The following RBM20 variants were observed in gnomAD, a reference collection of about 807,000 sequenced individuals.
RBM20 encodes the protein RNA binding motif protein 20, also known as RNA-binding protein 20.
RBM20 carries 51 observed loss-of-function variants against 110.1 expected under a neutral mutation model. That is an observed-to-expected ratio of 0.46 (90% CI 0.37 to 0.59). The LOEUF is 0.59. Among genes scored for constraint, RBM20 ranks in the 20% least tolerant of loss-of-function variants. RBM20 has a pLI of 0.00. For synonymous variants in RBM20, 589 were observed against 618.2 expected, an observed-to-expected ratio of 0.95 and a Z score of 0.70; for missense variants, 1,512 against 1,574.9, an observed-to-expected ratio of 0.96 and a Z score of 0.68.
chr10:110,725,646 G>T (rs963913496), intron 1 of RBM20, among the ~76,000 whole-genome samples: 2 of 152,286 alleles, frequency 1.3e-5, no homozygotes, highest in South Asian at 4.1e-4. Context: ...AGAGGTGCAG[G>T]CTTTAAAAAA....
intron 1 of RBM20, among the ~76,000 whole-genome samples, chr10:110,653,094 T>C (rs866591962): frequency 2.6e-5 from 4 of 152,360 alleles, no homozygotes; most frequent in Middle Eastern, 3.4e-3. Context: ...AGTACCTACC[T>C]TCCTTTCATA....
At chr10:110,656,374 CCTT>C (rs1862026766) in intron 1 of RBM20, among the ~76,000 whole-genome samples, 1 of 152,136 alleles carries the variant, frequency 6.6e-6, no homozygotes, top group Non-Finnish European at 1.5e-5. Flanking sequence ...TCCCTCTTCT[CCTT>C]ATCCCCCTCA....
intron 1 of RBM20, among the ~76,000 whole-genome samples, chr10:110,695,986 A>G (rs1222067678): frequency 6.6e-6 from 1 of 152,206 alleles, no homozygotes; most frequent in African/African-American, 2.4e-5. Flanking sequence ...TGTCACTCAC[A>G]GTGGAGGTCC....
intron 1 of RBM20, among the ~76,000 whole-genome samples, chr10:110,692,428 G>A (rs1034602571): frequency 6.6e-6 from 1 of 152,090 alleles, no homozygotes; most frequent in African/African-American, 2.4e-5. Flanking sequence ...AGTTTATTCA[G>A]CAATGCTTTG....
chr10:110,790,061 T>G (rs1844465786), intron 5 of RBM20, among the ~76,000 whole-genome samples: 1 of 152,232 alleles, frequency 6.6e-6, no homozygotes, highest in Admixed American at 6.5e-5. Context: ...GTTTTTATTA[T>G]TTATTTCTCG....
chr10:110,779,089 A>G (rs1007247853), intron 1 of RBM20, among the ~76,000 whole-genome samples: 9 of 152,216 alleles, frequency 5.9e-5, no homozygotes, highest in African/African-American at 2.2e-4. Context: ...TAAAACTCCA[A>G]AAGTCTTTGG....
intron 1 of RBM20, among the ~76,000 whole-genome samples, chr10:110,691,072 G>C (rs1270824524): frequency 6.6e-6 from 1 of 152,208 alleles, no homozygotes; most frequent in African/African-American, 2.4e-5. Flanking sequence ...TCTTGAATGG[G>C]ATTAGTATCC....
chr10:110,738,978 T>C (rs1461056980), intron 1 of RBM20, among the ~76,000 whole-genome samples: 1 of 152,104 alleles, frequency 6.6e-6, no homozygotes, highest in Non-Finnish European at 1.5e-5. Context: ...CTACAAGAAT[T>C]AGTAGGAAGC....
chr10:110,799,971 T>C, intron 7 of RBM20, 53 bp downstream of exon 7: 1 of 1,519,436 alleles, frequency 6.6e-7, no homozygotes, highest in Non-Finnish European at 8.9e-7. Context: ...GATGAGTTTC[T>C]CCTCCGTGTT....
intron 7 of RBM20, among the ~76,000 whole-genome samples, chr10:110,802,766 T>G (rs1453482578): frequency 6.6e-6 from 1 of 152,138 alleles, no homozygotes; most frequent in Non-Finnish European, 1.5e-5. Context: ...GAGGGAGAAG[T>G]AGCAAGCTGG....
chr10:110,749,727 T>A (rs1325621938), intron 1 of RBM20, among the ~76,000 whole-genome samples: 1 of 152,022 alleles, frequency 6.6e-6, no homozygotes, highest in Non-Finnish European at 1.5e-5. Context: ...TAATACTAGA[T>A]AACAGTGCAT....
rs1590685694 is a variant in RBM20, at chr10:110,797,483, C to T, written c.1528-25C>T. The T allele has an allele frequency of 2.0e-6, 3 of 1,527,434 alleles. No individual in the cohort carries two copies. The South Asian group carries it at 3.7e-5, about 19-fold the overall frequency. The allele number at this position is 1,527,434 out of a possible 1,614,324, so 94.6% of individuals were successfully genotyped here. A position where few individuals can be genotyped will look rare whatever the true frequency, so the allele number is the denominator to read the frequency against. On this transcript the variant is annotated intron_variant, in intron 5 of 13. Coordinates refer to ENST00000369519, the MANE Select transcript of RBM20 (RefSeq NM_001134363.3). ...GAAAAGGGAACCGTCTTCTGAATAC[C>T]ACTAATGATCTTTGTTCCCATTAGT... is the stretch of plus-strand genomic sequence containing the variant.
chr10:110,662,083 G>A (rs781725902), intron 1 of RBM20, among the ~76,000 whole-genome samples: 6 of 152,082 alleles, frequency 3.9e-5, no homozygotes, highest in Non-Finnish European at 5.9e-5. Flanking sequence ...CTGGGAGGAC[G>A]CTCAAGGGAG....
chr10:110,702,699 G>A (rs369954652), intron 1 of RBM20, among the ~76,000 whole-genome samples: 32 of 152,200 alleles, frequency 2.1e-4, no homozygotes, highest in African/African-American at 7.5e-4. Context: ...CCTCATGGGC[G>A]TAATGCAGAG....
At chr10:110,811,610 G>A (rs948742999) in intron 8 of RBM20, among the ~76,000 whole-genome samples, 3 of 152,204 alleles carry the variant, frequency 2.0e-5, no homozygotes, top group Non-Finnish European at 4.4e-5. Context: ...CTGGGTTTCA[G>A]TTTCTTCATC....
At chr10:110,733,037 C>G (rs1467251733) in intron 1 of RBM20, among the ~76,000 whole-genome samples, 2 of 152,146 alleles carry the variant, frequency 1.3e-5, no homozygotes, top group African/African-American at 4.8e-5. Flanking sequence ...GCTGGACATC[C>G]TAATTCTGTC....
chr10:110,821,851 G>GAAGGCAGCCCCCTGGAGGAGA lies in RBM20; in HGVS notation c.3236_3256dup (p.Gly1079_Lys1085dup), dbSNP rs1844917391. The GAAGGCAGCCCCCTGGAGGAGA allele has an allele frequency of 6.4e-7, 1 of 1,551,624 alleles. No individual in the cohort carries two copies. On this transcript the variant is annotated inframe_insertion, in exon 11 of 14. Coordinates refer to ENST00000369519, the MANE Select transcript of RBM20 (RefSeq NM_001134363.3). ...GGGGACCCCCGAAGATGGGGCTTGT[G>GAAGGCAGCCCCCTGGAGGAGA]AAGGCAGCCCCCTGGAGGAGAAAGC...
At chr10:110,766,471 G>C (rs1024350590) in intron 1 of RBM20, among the ~76,000 whole-genome samples, 1 of 151,732 alleles carries the variant, frequency 6.6e-6, no homozygotes, top group African/African-American at 2.4e-5. Flanking sequence ...AGGACCCTGC[G>C]GCCTTCCGCA....
intron 1 of RBM20, among the ~76,000 whole-genome samples, chr10:110,769,880 G>A (rs968064986): frequency 1.3e-5 from 2 of 151,900 alleles, no homozygotes; most frequent in Non-Finnish European, 2.9e-5. Flanking sequence ...CACCATGCCT[G>A]GCCAATCTAA....
Sources: allele counts gnomAD v4.1 joint callset (sites outside exome capture counted in the v4.1 genomes callset), GRCh38; gene constraint gnomAD v4.1.1; transcripts MANE v1.5; gene names NCBI Gene and HGNC (gene_info 2026-07-23, HGNC 2026-07-21).